The following FZD3 variants were observed in gnomAD, a reference collection of about 807,000 sequenced individuals.
FZD3 encodes frizzled-3.
A neutral mutation model predicts 60.7 loss-of-function variants in FZD3; 30 were observed. The observed-to-expected ratio is 0.49, with a 90% CI of 0.37 to 0.67. The LOEUF (loss-of-function observed/expected upper bound fraction) is 0.67, where lower values mean the gene tolerates loss of function less well. Ranked by LOEUF, FZD3 falls within the 30% of genes least tolerant of loss-of-function variation. The pLI, the probability that FZD3 is intolerant of heterozygous loss-of-function variation, is 0.00. For synonymous variants in FZD3, 246 were observed against 275.2 expected (o/e 0.89, Z 1.05); for missense variants, 605 against 838.7 (o/e 0.72, Z 3.44).
intron 6 of FZD3, among the ~76,000 whole-genome samples, chr8:28,554,396 A>AT (rs893997841): frequency 1.3e-5 from 2 of 151,750 alleles, no homozygotes; most frequent in African/African-American, 4.8e-5. Flanking sequence ...CCAGATTTTT[A>AT]TTTTTTTTAC....
intron 3 of FZD3, among the ~76,000 whole-genome samples, chr8:28,510,593 C>A (rs1395062754): frequency 2.0e-5 from 3 of 152,148 alleles, no homozygotes; most frequent in Non-Finnish European, 4.4e-5. Flanking sequence ...TTCTTAATAC[C>A]AGCAAGAGTA....
chr8:28,543,929 T>A (rs530858132), intron 5 of FZD3, among the ~76,000 whole-genome samples: 9 of 152,206 alleles, frequency 5.9e-5, no homozygotes, highest in South Asian at 4.1e-4. Context: ...GTGGGGGAGA[T>A]GTATCTATCA....
chr8:28,506,903 G>A (rs1381829629), intron 3 of FZD3, among the ~76,000 whole-genome samples: 1 of 151,972 alleles, frequency 6.6e-6, no homozygotes, highest in Non-Finnish European at 1.5e-5. Flanking sequence ...ATAATATAAT[G>A]AAGTGCCATG....
At chr8:28,545,532 C>T (rs769577474) in intron 5 of FZD3, among the ~76,000 whole-genome samples, 2 of 152,160 alleles carry the variant, frequency 1.3e-5, no homozygotes, top group Non-Finnish European at 2.9e-5. Context: ...AGTCAGCTCC[C>T]GTCTTTTCCA....
intron 3 of FZD3, among the ~76,000 whole-genome samples, chr8:28,517,048 C>A (rs1039302801): frequency 6.6e-6 from 1 of 152,028 alleles, no homozygotes; most frequent in East Asian, 1.9e-4. Context: ...CACAGTCATC[C>A]CTTTTGTTGC....
intron 3 of FZD3, among the ~76,000 whole-genome samples, chr8:28,515,486 G>C (rs1045750448): frequency 6.6e-6 from 1 of 152,248 alleles, no homozygotes; most frequent in Non-Finnish European, 1.5e-5. Flanking sequence ...GCATACTTCT[G>C]TGTCTTCTCT....
intron 6 of FZD3, among the ~76,000 whole-genome samples, chr8:28,552,225 T>C (rs1805425874): frequency 6.6e-6 from 1 of 152,226 alleles, no homozygotes. Context: ...AGTTGTCCAT[T>C]GTTCTTCCAA....
chr8:28,496,685 C>A (rs1803853636), intron 1 of FZD3, among the ~76,000 whole-genome samples: 1 of 152,120 alleles, frequency 6.6e-6, no homozygotes, highest in Admixed American at 6.5e-5. Context: ...AAGAGTTTTA[C>A]CTACTATGTC....
rs1486250248 is a variant in FZD3, at chr8:28,503,005, C to T, written c.-9C>T. On this transcript the variant is annotated 5_prime_UTR_variant, in exon 3 of 8. Transcript: ENST00000240093. Reference sequence around the variant, plus strand: ...CTGATCATCTGAATCTCCTTCAGACCCAGGAAGGATGGCTATGACTTGGAT... The same window carrying T: ...CTGATCATCTGAATCTCCTTCAGACTCAGGAAGGATGGCTATGACTTGGAT... The T allele has an allele frequency of 6.2e-7, 1 of 1,602,404 alleles. No homozygotes were observed. Among genetic ancestry groups the T allele is most frequent in the East Asian group, 2.2e-5 (1 of 44,692 alleles).
In FZD3 at chr8:28,568,962, A is replaced by G. The variant is rs1164910330; in HGVS notation, c.*5951A>G. 1 of 152,154 alleles carries G rather than the reference A, an allele frequency of 6.6e-6. No homozygotes were observed. The highest frequency in any genetic ancestry group is 1.9e-4 in the East Asian group (1 of 5,208). The allele number at this position is 152,154 out of a possible 1,614,324, so 9.4% of individuals were successfully genotyped here. ...AAGATTAAAAATGTTTTTTACCTTGAAATAATTCAGATTTTGAAGATTCAC... is the reference window on the plus strand; with the variant it reads ...AAGATTAAAAATGTTTTTTACCTTGGAATAATTCAGATTTTGAAGATTCAC... On this transcript the variant is annotated 3_prime_UTR_variant, in exon 8 of 8. Coordinates refer to ENST00000240093, the MANE Select transcript of FZD3 (RefSeq NM_017412.4).
Position 28,551,708 on chromosome 8 carries a change from T to C in FZD3, c.1510T>C (p.Cys504Arg), listed in dbSNP as rs753794190. 1 of 1,612,304 alleles carries C rather than the reference T, an allele frequency of 6.2e-7. No homozygotes were observed. Among genetic ancestry groups the C allele is most frequent in the Non-Finnish European group, 8.5e-7 (1 of 1,179,392 alleles). The change falls in exon 6 of 8, where the codon TGC becomes CGC. Residue 504 changes from cysteine to arginine, a missense_variant. Transcript: ENST00000240093. ...SVFWVGSKKT[C>R]FEWASFFHGR... ...ATTTTGGGTTGGAAGCAAAAAGACATGCTTTGAATGGGCCAGTTTTTTTCA... is the reference window on the plus strand; with the variant it reads ...ATTTTGGGTTGGAAGCAAAAAGACACGCTTTGAATGGGCCAGTTTTTTTCA...
chr8:28,558,587 C>T (rs1805557681), intron 7 of FZD3, among the ~76,000 whole-genome samples: 2 of 151,960 alleles, frequency 1.3e-5, no homozygotes, highest in Admixed American at 6.6e-5. Flanking sequence ...TGTGCCACCA[C>T]GCTCAGCTAA....
intron 3 of FZD3, among the ~76,000 whole-genome samples, chr8:28,504,837 C>A (rs1804094278): frequency 6.6e-6 from 1 of 152,184 alleles, no homozygotes; most frequent in Admixed American, 6.5e-5. Context: ...ATGGGGCATT[C>A]ATTCATAGTG....
chr8:28,548,907 C>A (rs1238564355), intron 5 of FZD3, among the ~76,000 whole-genome samples: 4 of 152,104 alleles, frequency 2.6e-5, no homozygotes, highest in African/African-American at 9.7e-5. Context: ...CAGATCATTT[C>A]TCTTATTAAA....
chr8:28,505,953 G>A (rs1804128790), intron 3 of FZD3, among the ~76,000 whole-genome samples: 2 of 152,172 alleles, frequency 1.3e-5, no homozygotes, highest in South Asian at 4.1e-4. Flanking sequence ...ACATCAATAT[G>A]CAAACACACA....
At chr8:28,520,274 AT>A (rs1804543787) in intron 3 of FZD3, among the ~76,000 whole-genome samples, 1 of 151,872 alleles carries the variant, frequency 6.6e-6, no homozygotes, top group Non-Finnish European at 1.5e-5. Flanking sequence ...GAAAACGAAA[AT>A]TTCTTGTAAT....
intron 3 of FZD3, among the ~76,000 whole-genome samples, chr8:28,515,983 C>G (rs993770451): frequency 3.9e-5 from 6 of 152,102 alleles, no homozygotes; most frequent in Non-Finnish European, 8.8e-5. Context: ...CTGCTAAATC[C>G]AAGGTCATGG....
At chr8:28,550,347 G>T (rs1418476372) in intron 5 of FZD3, among the ~76,000 whole-genome samples, 3 of 147,242 alleles carry the variant, frequency 2.0e-5, no homozygotes, top group Non-Finnish European at 3.0e-5. Flanking sequence ...GTGTCTGTGT[G>T]TTTGCTGTTT....
intron 6 of FZD3, among the ~76,000 whole-genome samples, chr8:28,552,994 C>T (rs1174816233): frequency 6.6e-6 from 1 of 152,094 alleles, no homozygotes; most frequent in Non-Finnish European, 1.5e-5. Context: ...TTAAAGTATA[C>T]AAGAGGTTGT....
Sources: allele counts gnomAD v4.1 joint callset (sites outside exome capture counted in the v4.1 genomes callset), GRCh38; gene constraint gnomAD v4.1.1; transcripts MANE v1.5; gene names NCBI Gene and HGNC (gene_info 2026-07-23, HGNC 2026-07-21).